Variants in BLMH observed in about 807,000 individuals in gnomAD.
The protein encoded by BLMH is BLM hydrolase.
A neutral mutation model predicts 61.6 loss-of-function variants in BLMH; 32 were observed. The ratio of observed to expected loss-of-function variants is 0.52; its 90% CI spans 0.39 to 0.70. The LOEUF is 0.70. Ranked by LOEUF, BLMH falls within the 30% of genes least tolerant of loss-of-function variation. BLMH has a pLI of 0.00. For synonymous variants in BLMH, 183 were observed against 193.8 expected (o/e 0.94, Z 0.46); for missense variants, 460 against 555.5 (o/e 0.83, Z 1.73).
intron 6 of BLMH, among the ~76,000 whole-genome samples, chr17:30,283,331 C>T (rs552119793): frequency 2.6e-5 from 4 of 152,180 alleles, no homozygotes; most frequent in Admixed American, 6.5e-5. Context: ...CATATCTGCC[C>T]TAATTCTTAC....
chr17:30,275,036 G>T (rs1777461896), intron 6 of BLMH, among the ~76,000 whole-genome samples: 2 of 145,988 alleles, frequency 1.4e-5, no homozygotes, highest in South Asian at 2.2e-4. Flanking sequence ...CTGAGTCATG[G>T]TTTAAAAAAA....
At chr17:30,261,255 C>A (rs1357911691) in intron 11 of BLMH, among the ~76,000 whole-genome samples, 1 of 152,162 alleles carries the variant, frequency 6.6e-6, no homozygotes, top group Admixed American at 6.5e-5. Flanking sequence ...TTCTGTGCAA[C>A]CCAAACAAGA....
intron 11 of BLMH, among the ~76,000 whole-genome samples, chr17:30,263,142 G>A (rs1908009425): frequency 6.6e-6 from 1 of 152,128 alleles, no homozygotes; most frequent in Admixed American, 6.5e-5. Context: ...ACTAGAACAG[G>A]GAAGGTGAGA....
chr17:30,254,294 T>A (rs914989029), intron 11 of BLMH, among the ~76,000 whole-genome samples: 1 of 152,216 alleles, frequency 6.6e-6, no homozygotes, highest in Non-Finnish European at 1.5e-5. Flanking sequence ...TCTGGCAGCA[T>A]GGAACTAAGA....
chr17:30,257,714 C>T (rs1049778386), intron 11 of BLMH, among the ~76,000 whole-genome samples: 2 of 152,194 alleles, frequency 1.3e-5, no homozygotes, highest in South Asian at 4.2e-4. Context: ...TGTTTTGATT[C>T]TTATTCTCAC....
intron 6 of BLMH, among the ~76,000 whole-genome samples, chr17:30,282,137 T>C (rs1247408798): frequency 6.6e-6 from 1 of 152,052 alleles, no homozygotes; most frequent in Non-Finnish European, 1.5e-5. Flanking sequence ...TGGACTCAAG[T>C]GATCTGCCTT....
chr17:30,281,245 T>C (rs957283236), intron 6 of BLMH, among the ~76,000 whole-genome samples: 2 of 152,156 alleles, frequency 1.3e-5, no homozygotes, highest in South Asian at 2.1e-4. Context: ...TGAACTCATA[T>C]AGATGATAAC....
At position 30,271,269 on chromosome 17, in the gene BLMH, A is replaced by C. The variant is rs1437983766; in HGVS notation, c.1146+2T>G. ...CTCCAGCAGGCATGCTGAGGGTCAT[A>C]CCTTCTCTGAGACAGCAGTGAAGGT... On this transcript the variant is annotated splice_donor_variant, in intron 10 of 11. Transcript: ENST00000261714. LOFTEE classifies it high-confidence loss of function. The C allele has an allele frequency of 6.2e-7, 1 of 1,601,136 alleles. No homozygotes were observed. Among genetic ancestry groups the C allele is most frequent in the Non-Finnish European group, 8.6e-7 (1 of 1,168,320 alleles).
intron 6 of BLMH, among the ~76,000 whole-genome samples, chr17:30,282,908 A>C (rs536991614): frequency 3.9e-5 from 6 of 152,368 alleles, no homozygotes; most frequent in African/African-American, 1.4e-4. Flanking sequence ...ACACTTTATA[A>C]TATGCACAAT....
rs3190889 is a variant in BLMH at position 30,248,835 on chromosome 17, T to C, written c.*182A>G. On this transcript the variant is annotated 3_prime_UTR_variant, in exon 12 of 12. Transcript: ENST00000261714. ...GATCTTCCCCCCTCTTTTTTTTCCT[T>C]TAACAGTATTCTGTTTCAGCATAAA... The C allele has an allele frequency of 2.9e-5, 20 of 678,760 alleles. No homozygotes were observed. The highest frequency in any genetic ancestry group is 4.4e-5 in the Non-Finnish European group (18 of 411,432). 42.0% of individuals were successfully genotyped at this position (678,760 alleles called of 1,614,324 possible).
At position 30,287,818 on chromosome 17, in the gene BLMH, C is replaced by A; in HGVS notation, c.451G>T (p.Val151Phe). The A allele has an allele frequency of 6.2e-7, 1 of 1,613,820 alleles. No individual in the cohort carries two copies. The highest frequency in any genetic ancestry group is 2.2e-5 in the East Asian group (1 of 44,880). The change falls in exon 4 of 12, where the codon GTT becomes TTT. Residue 151 changes from valine to phenylalanine, a missense_variant. This residue lies in a region of BLMH where 310 missense variants were observed against 371.1 expected (regional missense o/e 0.84). Transcript: ENST00000261714. The stretch of plus-strand genomic sequence containing the variant: ...AAAGAACTTTTACCAACAATATTAA[C>A]AAGCATATCCCATTGGCCACCATCA... ...ANDGGQWDML[V>F]NIVEKYGVIP...
At chr17:30,277,452 T>C (rs1365770266) in intron 6 of BLMH, among the ~76,000 whole-genome samples, 1 of 152,244 alleles carries the variant, frequency 6.6e-6, no homozygotes, top group Non-Finnish European at 1.5e-5. Flanking sequence ...CAGAACATAC[T>C]TAGATTAGAA....
intron 6 of BLMH, among the ~76,000 whole-genome samples, chr17:30,279,086 C>T (rs569376125): frequency 4.6e-5 from 7 of 152,354 alleles, no homozygotes; most frequent in East Asian, 3.9e-4. Context: ...AAGATATACA[C>T]GGCTCAATGA....
rs112303491 is a variant in BLMH, at chr17:30,291,562, C to A, written c.14-54G>T. On this transcript the variant is annotated intron_variant, in intron 1 of 11. Transcript: ENST00000261714. The stretch of plus-strand genomic sequence containing the variant: ...GCAAAAAGAGGGGGAAAGGGCTGAT[C>A]TGGGGCTCCCGCGTCCCGAATCTAA... The A allele has an allele frequency of 2.5e-6, 4 of 1,591,538 alleles. 1 individual carries two copies. In the South Asian group the frequency reaches 3.3e-5, roughly 13 times the overall value.
intron 6 of BLMH, among the ~76,000 whole-genome samples, chr17:30,284,983 C>T (rs923275393): frequency 1.3e-5 from 2 of 152,196 alleles, no homozygotes; most frequent in Non-Finnish European, 2.9e-5. Context: ...TCACTCCCTC[C>T]TCTATGACCA....
intron 11 of BLMH, among the ~76,000 whole-genome samples, chr17:30,257,168 C>T (rs1281097105): frequency 6.6e-6 from 1 of 152,226 alleles, no homozygotes; most frequent in Non-Finnish European, 1.5e-5. Context: ...GTGTGCCAGG[C>T]ACTATTCTAA....
intron 3 of BLMH, chr17:30,288,267 A>T: frequency 4.0e-6 from 1 of 250,116 alleles, no homozygotes; most frequent in Non-Finnish European, 7.8e-6. Context: ...TTACCTGTGT[A>T]TGTATCCCAA....
At position 30,291,377 on chromosome 17, in the gene BLMH, C is replaced by A. The variant is rs769342995; in HGVS notation, c.145G>T (p.Ala49Ser). Residue 49 changes from alanine to serine, a missense_variant, in exon 2 of 12, where the codon GCG becomes TCG. By Grantham distance (99) the Ala-to-Ser change is moderately conservative. Transcript: ENST00000261714. ...ICLKRATVQRAQHVFQHAVPQ... is the reference protein window; with the variant it reads ...ICLKRATVQRSQHVFQHAVPQ... ...ACGGCGTGCTGGAACACATGCTGCG[C>A]GCGCTGCACCGTGGCCCGCTTCAGA... 6.2e-7 allele frequency: 1 copy of A among 1,613,738 alleles called. No homozygotes were observed. The highest frequency in any genetic ancestry group is 8.5e-7 in the Non-Finnish European group (1 of 1,180,014).
chr17:30,253,376 G>A (rs1347679979), intron 11 of BLMH, among the ~76,000 whole-genome samples: 1 of 152,244 alleles, frequency 6.6e-6, no homozygotes, highest in South Asian at 2.1e-4. Flanking sequence ...AAGAGGACCC[G>A]CCTTGATTAG....
Sources: allele counts gnomAD v4.1 joint callset (sites outside exome capture counted in the v4.1 genomes callset), GRCh38; gene constraint gnomAD v4.1.1; regional missense constraint gnomAD v4.1.1; transcripts MANE v1.5; gene names NCBI Gene and HGNC (gene_info 2026-07-23, HGNC 2026-07-21).